The following LARP4B variants were observed in gnomAD, a reference collection of about 807,000 sequenced individuals.
LARP4B encodes la-related protein 4B.
A neutral mutation model predicts 89.8 loss-of-function variants in LARP4B; 12 were observed. That is an observed-to-expected ratio of 0.13 (90% CI 0.09 to 0.22). The LOEUF (loss-of-function observed/expected upper bound fraction) is 0.22. Ranked by LOEUF, LARP4B falls within the 10% of genes least tolerant of loss-of-function variation. The probability of loss-of-function intolerance (pLI) is 1.00; values close to 1 mark genes in which losing one functional copy is unlikely to be tolerated. For synonymous variants in LARP4B, 367 were observed against 363.3 expected (o/e 1.01, Z -0.12); for missense variants, 757 against 947.7 (o/e 0.80, Z 2.64).
intron 5 of LARP4B, among the ~76,000 whole-genome samples, chr10:851,425 C>T (rs1261965989): frequency 6.6e-6 from 1 of 152,118 alleles, no homozygotes; most frequent in African/African-American, 2.4e-5. Flanking sequence ...CTCACGTGAT[C>T]TGCCCGCCTC....
intron 3 of LARP4B, among the ~76,000 whole-genome samples, chr10:865,184 T>C (rs1247254707): frequency 1.3e-5 from 2 of 152,214 alleles, no homozygotes; most frequent in East Asian, 3.9e-4. Context: ...AATCCACAGG[T>C]GACCATGAAG....
intron 1 of LARP4B, among the ~76,000 whole-genome samples, chr10:913,196 A>T (rs1836721382): frequency 6.6e-6 from 1 of 152,184 alleles, no homozygotes; most frequent in Non-Finnish European, 1.5e-5. Flanking sequence ...TGTTTAGGGG[A>T]GTGGAACAGA....
the LARP4B span, among the ~76,000 whole-genome samples, chr10:975,189 AAAAGTAGCACATCTATT>A: frequency 6.6e-6 from 1 of 152,260 alleles, no homozygotes; most frequent in Non-Finnish European, 1.5e-5. Flanking sequence ...AGCAGTCAGA[AAAAGTAGCACATCTATT>A]AATGAGAAAT....
the LARP4B span, chr10:985,755 T>C: frequency 0.97 from 148,247 of 152,366 alleles, 72,255 homozygotes; most frequent in East Asian, 1. Flanking sequence ...TTGCAGAAGC[T>C]TGATTCCAAC....
chr10:876,410 C>A (rs1464601019), intron 3 of LARP4B, among the ~76,000 whole-genome samples: 1 of 152,110 alleles, frequency 6.6e-6, no homozygotes, highest in African/African-American at 2.4e-5. Context: ...AAAAAAAAAT[C>A]TATTTCCAAA....
At position 810,479 on chromosome 10, in the gene LARP4B, T is replaced by C. The variant is rs545017252; in HGVS notation, c.*2447A>G. 1 of 152,364 alleles carries C rather than the reference T, an allele frequency of 6.6e-6. No individual in the cohort carries two copies. The highest frequency in any genetic ancestry group is 2.1e-4 in the South Asian group (1 of 4,826). The allele number at this position is 152,364 out of a possible 1,614,324, so 9.4% of individuals were successfully genotyped here. On this transcript the variant is annotated 3_prime_UTR_variant, in exon 18 of 18. Coordinates refer to ENST00000316157, the MANE Select transcript of LARP4B (RefSeq NM_015155.3). ...GCAGAGCCCTCCAGTGGCGACTGGC[T>C]AATGCACGCGCTGCCCTCCTCATGC...
At chr10:874,501 A>G (rs11253486) in intron 3 of LARP4B, among the ~76,000 whole-genome samples, 13,571 of 152,292 alleles carry the variant, frequency 0.089, 762 homozygotes, top group South Asian at 0.13. Context: ...CCACAACTAA[A>G]CAAGTTGCTC....
At chr10:918,044 G>C (rs1428222708) in intron 1 of LARP4B, among the ~76,000 whole-genome samples, 1 of 152,186 alleles carries the variant, frequency 6.6e-6, no homozygotes, top group Non-Finnish European at 1.5e-5. Flanking sequence ...AATCTCCAAT[G>C]TAATAGGATT....
intron 5 of LARP4B, 104 bp downstream of exon 5, chr10:863,639 G>A (rs1834741144): frequency 2.4e-6 from 3 of 1,246,614 alleles, no homozygotes; most frequent in Non-Finnish European, 2.2e-6. Flanking sequence ...TTAAAAGCAG[G>A]CAAAGAAAGA....
intron 1 of LARP4B, among the ~76,000 whole-genome samples, chr10:923,898 T>C (rs1199987893): frequency 1.3e-5 from 2 of 152,172 alleles, no homozygotes; most frequent in Non-Finnish European, 2.9e-5. Context: ...ATAACAAATA[T>C]ACTTTAAACA....
chr10:906,663 A>C (rs1253055378), intron 1 of LARP4B, among the ~76,000 whole-genome samples: 1 of 152,186 alleles, frequency 6.6e-6, no homozygotes, highest in African/African-American at 2.4e-5. Context: ...AAAATTATCT[A>C]AGTGAATGCC....
chr10:835,279 T>A (rs887054080), intron 8 of LARP4B, among the ~76,000 whole-genome samples: 5 of 152,168 alleles, frequency 3.3e-5, no homozygotes, highest in Non-Finnish European at 2.9e-5. Flanking sequence ...CTGCCCTTTC[T>A]CACATGCTAG....
the LARP4B span, among the ~76,000 whole-genome samples, chr10:973,353 G>C: frequency 2.7e-5 from 4 of 150,710 alleles, no homozygotes; most frequent in Non-Finnish European, 4.4e-5. Context: ...TCCGCTTTTG[G>C]TGAACTTTTT....
At chr10:886,421 T>C (rs150464021) in intron 1 of LARP4B, among the ~76,000 whole-genome samples, 3,236 of 152,236 alleles carry the variant, frequency 0.021, 65 homozygotes, top group Admixed American at 0.061. Flanking sequence ...AATTTGAAAA[T>C]AGAACTACCA....
the LARP4B span, among the ~76,000 whole-genome samples, chr10:959,940 TC>T: frequency 4.1e-5 from 6 of 147,782 alleles, no homozygotes; most frequent in African/African-American, 1.5e-4. Flanking sequence ...TCCTCGTCAA[TC>T]CCACCTCCTC....
intron 13 of LARP4B, 36 bp from the exon 14 acceptor site, chr10:820,881 T>C: frequency 1.3e-6 from 2 of 1,597,974 alleles, no homozygotes; most frequent in East Asian, 2.2e-5. Context: ...GTTATTTTTT[T>C]CCCACTTGGA....
chr10:814,371 CTG>C lies in LARP4B; in HGVS notation c.1929+369_1929+370del. ...TGGTGGGGCCACCATCTTGCTCTTC[CTG>C]TCTCTTCATCAGACACACGATGCGC... On this transcript the variant is annotated intron_variant, in intron 17 of 17. Coordinates refer to ENST00000316157, the MANE Select transcript of LARP4B (RefSeq NM_015155.3). The surrounding 1 kb of genome is among the most constrained non-coding windows in gnomAD (Gnocchi z 4.4). 2.9e-6 allele frequency: 1 copy of C among 347,974 alleles called. No individual in the cohort carries two copies. The highest frequency in any genetic ancestry group is 5.8e-6 in the Non-Finnish European group (1 of 172,618). The allele number at this position is 347,974 out of a possible 1,614,324, so 21.6% of individuals were successfully genotyped here.
intron 1 of LARP4B, among the ~76,000 whole-genome samples, chr10:930,033 T>C: frequency 6.6e-6 from 1 of 152,052 alleles, no homozygotes; most frequent in South Asian, 2.1e-4. Context: ...TTTCAACTTC[T>C]GTAAATTACC....
chr10:948,380 G>A, the LARP4B span, among the ~76,000 whole-genome samples: 2 of 152,132 alleles, frequency 1.3e-5, no homozygotes, highest in African/African-American at 4.8e-5. Context: ...CCAAGTAGCT[G>A]GGATTACAGG....
Sources: gnomAD v4.1 joint callset for allele counts (sites outside exome capture counted in the v4.1 genomes callset) on GRCh38, gnomAD v4.1.1 for gene constraint, Gnocchi (gnomAD v3.1) non-coding constraint, MANE v1.5 for transcripts, NCBI Gene and HGNC (gene_info 2026-07-23, HGNC 2026-07-21) for gene names.